The following HLCS variants were observed in gnomAD, a reference collection of about 807,000 sequenced individuals.
HLCS encodes biotin--protein ligase.
HLCS carries 53 observed loss-of-function variants against 75.0 expected under a neutral mutation model. The ratio of observed to expected loss-of-function variants is 0.71; its 90% CI spans 0.57 to 0.89. HLCS has a LOEUF of 0.89. Among genes scored for constraint, HLCS ranks in the 40% least tolerant of loss-of-function variants. HLCS has a pLI of 0.00. For missense variants in HLCS, 966 were observed against 1,074.0 expected, an observed-to-expected ratio of 0.90 and a Z score of 1.41; for synonymous variants, 431 against 428.6, an observed-to-expected ratio of 1.01 and a Z score of -0.07.
At chr21:36,879,159 T>C (rs2064107945) in intron 6 of HLCS, among the ~76,000 whole-genome samples, 2 of 10,952 alleles carry the variant, frequency 1.8e-4, no homozygotes, top group South Asian at 3.1e-3. Flanking sequence ...TTATGAATAT[T>C]CATGAAGTAT....
chr21:36,914,591 A>C (rs1402513719), intron 5 of HLCS, among the ~76,000 whole-genome samples: 1 of 152,254 alleles, frequency 6.6e-6, no homozygotes, highest in East Asian at 1.9e-4. Context: ...GAACAGTAAA[A>C]GCAGGGAGTG....
intron 6 of HLCS, among the ~76,000 whole-genome samples, chr21:36,886,541 G>A (rs750295022): frequency 7.9e-5 from 12 of 151,578 alleles, no homozygotes; most frequent in South Asian, 2.1e-4. Context: ...GGCCATGTTC[G>A]CTCCACTCCA....
intron 8 of HLCS, among the ~76,000 whole-genome samples, chr21:36,760,057 C>T (rs530868173): frequency 6.6e-6 from 1 of 152,270 alleles, no homozygotes; most frequent in South Asian, 2.1e-4. Context: ...TGACATAAAC[C>T]CCAGCATTCT....
intron 6 of HLCS, among the ~76,000 whole-genome samples, chr21:36,840,943 C>A (rs992526226): frequency 1.3e-5 from 2 of 151,978 alleles, no homozygotes; most frequent in African/African-American, 4.8e-5. Context: ...AATTTGTAAT[C>A]TTCAGTGGAA....
At chr21:36,756,294 C>T (rs1254947906) in intron 10 of HLCS, among the ~76,000 whole-genome samples, 5 of 151,776 alleles carry the variant, frequency 3.3e-5, no homozygotes, top group South Asian at 2.1e-4. Context: ...AAAAATTAGC[C>T]GGGTGTGGCG....
intron 6 of HLCS, among the ~76,000 whole-genome samples, chr21:36,847,102 A>C (rs1019579004): frequency 2.0e-5 from 3 of 152,216 alleles, no homozygotes; most frequent in Non-Finnish European, 4.4e-5. Flanking sequence ...CCACAGCCAC[A>C]ATATAAAATG....
intron 6 of HLCS, among the ~76,000 whole-genome samples, chr21:36,785,487 G>C (rs1019607908): frequency 5.3e-5 from 8 of 152,150 alleles, no homozygotes; most frequent in African/African-American, 9.7e-5. Flanking sequence ...CTTGAGACCT[G>C]GGTGGATTCG....
chr21:36,783,100 C>T (rs1382577947), intron 6 of HLCS, among the ~76,000 whole-genome samples: 2 of 152,196 alleles, frequency 1.3e-5, no homozygotes, highest in African/African-American at 4.8e-5. Flanking sequence ...TTGCTAGGAG[C>T]TACCCACCTC....
At chr21:36,782,139 T>G (rs1288236417) in intron 6 of HLCS, among the ~76,000 whole-genome samples, 2 of 152,196 alleles carry the variant, frequency 1.3e-5, no homozygotes, top group African/African-American at 4.8e-5. Flanking sequence ...ATACTGTCTT[T>G]AACAGATTTA....
intron 6 of HLCS, among the ~76,000 whole-genome samples, chr21:36,804,620 C>T (rs1271204787): frequency 2.0e-5 from 3 of 152,190 alleles, no homozygotes; most frequent in Non-Finnish European, 2.9e-5. Context: ...AAATAACCCT[C>T]CTATCCCTTC....
chr21:36,808,401 T>C (rs753118131), intron 6 of HLCS, among the ~76,000 whole-genome samples: 17 of 152,234 alleles, frequency 1.1e-4, no homozygotes, highest in Non-Finnish European at 2.4e-4. Flanking sequence ...CTTTAAAAAA[T>C]TATTTGAATA....
intron 6 of HLCS, among the ~76,000 whole-genome samples, chr21:36,864,292 T>A (rs6517388): frequency 6.6e-6 from 1 of 151,400 alleles, no homozygotes; most frequent in African/African-American, 2.4e-5. Context: ...TCCAGCTACT[T>A]GGGAGGCTGA....
intron 6 of HLCS, among the ~76,000 whole-genome samples, chr21:36,881,710 C>T (rs2064223618): frequency 2.0e-5 from 3 of 152,228 alleles, no homozygotes; most frequent in African/African-American, 7.2e-5. Context: ...TGTCCTCAGG[C>T]CAGCTGGGCC....
intron 1 of HLCS, among the ~76,000 whole-genome samples, chr21:36,979,044 C>T (rs2069026800): frequency 6.6e-6 from 1 of 151,904 alleles, no homozygotes; most frequent in African/African-American, 2.4e-5. Context: ...CTGAGGCGGG[C>T]AGATCATGAG....
chr21:36,862,939 T>TTC (rs962180385), intron 6 of HLCS, among the ~76,000 whole-genome samples: 13 of 142,208 alleles, frequency 9.1e-5, no homozygotes, highest in Middle Eastern at 3.7e-3. Context: ...TCATTTCTCT[T>TTC]TCTCTCTTTT....
Position 36,888,442 on chromosome 21 carries a change from AAAAATATATAT to A in HLCS, c.1892+8407_1892+8417del, listed in dbSNP as rs1212427321. Among the ~76,000 whole-genome samples the A allele has an allele frequency of 2.8e-3, 89 of 31,534 alleles. 1 individual carries two copies. Among genetic ancestry groups the A allele is most frequent in the Middle Eastern group, 0.012 (1 of 86 alleles). 20.7% of individuals were successfully genotyped at this position (31,534 alleles called of 152,430 possible). On this transcript the variant is annotated intron_variant, in intron 6 of 10. Transcript: ENST00000674895. The stretch of plus-strand genomic sequence containing the variant: ...TGCCCCCTTCCCATTTAAAAAAAAA[AAAAATATATAT>A]ATATATATATATATATATATATATA...
intron 6 of HLCS, among the ~76,000 whole-genome samples, chr21:36,823,043 C>T (rs987963297): frequency 1.3e-5 from 2 of 152,232 alleles, no homozygotes; most frequent in African/African-American, 2.4e-5. Context: ...TGTTAAAGCA[C>T]CGCCAAATAC....
intron 2 of HLCS, among the ~76,000 whole-genome samples, chr21:36,943,095 A>C (rs187739157): frequency 2.0e-5 from 3 of 152,284 alleles, no homozygotes; most frequent in Admixed American, 2.0e-4. Context: ...GACAAGGAAA[A>C]ACTGGAACTC....
In HLCS at chr21:36,938,897, A is replaced by G. The variant is rs768008190; in HGVS notation, c.428T>C (p.Leu143Pro). 3.7e-6 allele frequency: 6 copies of G among 1,614,132 alleles called. No individual in the cohort carries two copies. The highest frequency in any genetic ancestry group is 1.7e-5 in the Admixed American group (1 of 60,018). ...AEASVDNFSK[L>P]GVAFMEDRLH... ...TCTATCTTCCATGAACGCCACCCCC[A>G]GCTTGCTGAAGTTGTCCACACTTGC... is the stretch of plus-strand genomic sequence containing the variant. Residue 143 changes from leucine to proline, a missense_variant, in exon 3 of 11, where the codon CTG becomes CCG. Leu to Pro is a moderately conservative substitution (Grantham distance 98, BLOSUM62 -3). Coordinates refer to ENST00000674895, the MANE Select transcript of HLCS (RefSeq NM_001352514.2).
Sources: allele counts gnomAD v4.1 joint callset (sites outside exome capture counted in the v4.1 genomes callset), GRCh38; gene constraint gnomAD v4.1.1; transcripts MANE v1.5; gene names NCBI Gene and HGNC (gene_info 2026-07-23, HGNC 2026-07-21).